Variants in STXBP4 observed in about 807,000 individuals in gnomAD.
STXBP4 encodes the protein syntaxin binding protein 4.
STXBP4 carries 55 observed loss-of-function variants against 76.1 expected under a neutral mutation model. The observed-to-expected ratio is 0.72, with a 90% confidence interval of 0.58 to 0.91. The LOEUF is 0.91. Ranked by LOEUF, STXBP4 falls within the 40% of genes least tolerant of loss-of-function variation. The pLI is 0.00. For missense variants in STXBP4, 618 were observed against 636.9 expected (o/e 0.97, Z 0.32); for synonymous variants, 201 against 220.2 (o/e 0.91, Z 0.77).
In STXBP4 at chr17:54,988,240, A is replaced by G. The variant is rs1338390582; in HGVS notation, c.47+1974A>G. 3.3e-5 allele frequency among the ~76,000 whole-genome samples: 5 copies of G among 152,222 alleles called. No homozygotes were observed. In the East Asian group the frequency reaches 9.6e-4, roughly 29 times the overall value. On this transcript the variant is annotated intron_variant, in intron 3 of 17. Coordinates refer to ENST00000376352, the MANE Select transcript of STXBP4 (RefSeq NM_178509.6). ...ATGGATAGATTTATAGAGAAAACGT[A>G]TTAGCAGCAATAAACTGCTGTGTTA...
chr17:55,119,536 A>G (rs1303662600), intron 16 of STXBP4, among the ~76,000 whole-genome samples: 2 of 152,126 alleles, frequency 1.3e-5, no homozygotes, highest in African/African-American at 4.8e-5. Flanking sequence ...ATTTCTGAAC[A>G]ATACAAGAAC....
chr17:55,125,479 CAAA>C (rs10632680), intron 16 of STXBP4, among the ~76,000 whole-genome samples: 34 of 91,762 alleles, frequency 3.7e-4, no homozygotes, highest in South Asian at 2.3e-3. Flanking sequence ...GGACAAAATA[CAAA>C]AAAAAAAAAA....
intron 12 of STXBP4, among the ~76,000 whole-genome samples, chr17:55,065,312 C>T (rs2079038049): frequency 6.6e-6 from 1 of 152,092 alleles, no homozygotes; most frequent in Non-Finnish European, 1.5e-5. Context: ...TTATTTAGCT[C>T]TTGTTATGTC....
the STXBP4 span, among the ~76,000 whole-genome samples, chr17:55,180,649 T>TCA: frequency 6.6e-6 from 1 of 152,326 alleles, no homozygotes; most frequent in Admixed American, 6.5e-5. Context: ...GAATCAGAAT[T>TCA]GAAAGGCTGG....
rs1418769366 is a variant in STXBP4 at position 55,164,434 on chromosome 17, A to G, written c.*4523A>G. The G allele has an allele frequency of 1.3e-5, 1 of 76,606 alleles. No individual in the cohort carries two copies. The highest frequency in any genetic ancestry group is 2.7e-5 in the Non-Finnish European group (1 of 36,784). 4.7% of individuals were successfully genotyped at this position (76,606 alleles called of 1,614,324 possible). A position where few individuals can be genotyped will look rare whatever the true frequency, so the allele number is the denominator to read the frequency against. On this transcript the variant is annotated 3_prime_UTR_variant, in exon 18 of 18. Transcript: ENST00000376352. ...TTCTCTATATCACTCTACCCTGTTT[A>G]TTTCTTTTTTTTTTTTTTTTTTTTT...
chr17:54,985,339 C>T (rs1158718645), intron 1 of STXBP4, among the ~76,000 whole-genome samples: 2 of 152,136 alleles, frequency 1.3e-5, no homozygotes, highest in African/African-American at 4.8e-5. Context: ...AAAACAACAA[C>T]AACAACAACA....
chr17:55,088,875 A>T (rs998606672), intron 16 of STXBP4, among the ~76,000 whole-genome samples: 2 of 152,198 alleles, frequency 1.3e-5, no homozygotes, highest in African/African-American at 4.8e-5. Context: ...CATTGCATAC[A>T]TGGCCATCCC....
At chr17:55,181,028 T>G in the STXBP4 span, among the ~76,000 whole-genome samples, 1 of 152,238 alleles carries the variant, frequency 6.6e-6, no homozygotes, top group African/African-American at 2.4e-5. Context: ...TTTGGGGGAA[T>G]GGAGGTGGAG....
At chr17:55,148,182 T>C (rs1228747588) in intron 17 of STXBP4, among the ~76,000 whole-genome samples, 1 of 152,214 alleles carries the variant, frequency 6.6e-6, no homozygotes, top group African/African-American at 2.4e-5. Flanking sequence ...AAAATGATTG[T>C]CTATACTTGG....
At position 55,072,970 on chromosome 17, in the gene STXBP4, G is replaced by A; in HGVS notation, c.1082G>A (p.Arg361Lys). 6.2e-7 allele frequency: 1 copy of A among 1,613,986 alleles called. No individual in the cohort carries two copies. Among genetic ancestry groups the A allele is most frequent in the African/African-American group, 1.3e-5 (1 of 75,034 alleles). ...ATTCATCTTGCTGAAGCTGCTCAGA[G>A]ACAGGCACATGGAATGGAAATGGAC... ...SRIHLAEAAQ[R>K]QAHGMEMDYE... is the part of the protein sequence containing the mutation. Residue 361 changes from arginine (R) to lysine (K), a missense_variant, in exon 13 of 18, where the codon AGA becomes AAA. Transcript: ENST00000376352.
chr17:55,015,598 T>G (rs2078193011), intron 8 of STXBP4, among the ~76,000 whole-genome samples: 1 of 151,704 alleles, frequency 6.6e-6, no homozygotes, highest in Admixed American at 6.6e-5. Flanking sequence ...AAAAGGTACA[T>G]GCACTCTGGC....
chr17:55,017,638 C>T (rs1001553510), intron 8 of STXBP4, among the ~76,000 whole-genome samples: 3 of 152,050 alleles, frequency 2.0e-5, no homozygotes, highest in African/African-American at 7.2e-5. Flanking sequence ...CACGCATGGG[C>T]GACTGTTGAA....
At chr17:55,069,475 G>C (rs1048924659) in intron 12 of STXBP4, among the ~76,000 whole-genome samples, 2 of 152,132 alleles carry the variant, frequency 1.3e-5, no homozygotes, top group African/African-American at 2.4e-5. Flanking sequence ...GACAGCCTGG[G>C]AGGAAAAGAG....
At chr17:55,008,643 G>A (rs1358985980) in intron 8 of STXBP4, among the ~76,000 whole-genome samples, 1 of 152,158 alleles carries the variant, frequency 6.6e-6, no homozygotes, top group East Asian at 1.9e-4. Flanking sequence ...ACAAAAGGGT[G>A]TAATCTGATG....
chr17:55,095,686 G>T (rs867206496), intron 16 of STXBP4, among the ~76,000 whole-genome samples: 23 of 152,262 alleles, frequency 1.5e-4, no homozygotes, highest in Middle Eastern at 3.4e-3. Context: ...CAGTTTTGCA[G>T]TTCTAAAGTT....
intron 1 of STXBP4, among the ~76,000 whole-genome samples, chr17:54,983,403 C>G (rs976953239): frequency 2.0e-5 from 3 of 152,182 alleles, no homozygotes; most frequent in Non-Finnish European, 4.4e-5. Context: ...ACCTGGGGAC[C>G]TGTGTCCAGT....
At chr17:55,142,274 A>G (rs2080102421) in intron 17 of STXBP4, among the ~76,000 whole-genome samples, 1 of 152,198 alleles carries the variant, frequency 6.6e-6, no homozygotes. Context: ...TGACATTTCG[A>G]GAGCACAAAG....
chr17:55,097,965 ATAT>A (rs1288010752), intron 16 of STXBP4, among the ~76,000 whole-genome samples: 9 of 152,194 alleles, frequency 5.9e-5, no homozygotes, highest in Non-Finnish European at 1.3e-4. Flanking sequence ...CTCATTGAAA[ATAT>A]TATGGCTCAC....
At chr17:55,068,441 T>C (rs545522534) in intron 12 of STXBP4, among the ~76,000 whole-genome samples, 7 of 152,296 alleles carry the variant, frequency 4.6e-5, no homozygotes, top group Admixed American at 1.3e-4. Context: ...TTAATGCTTT[T>C]TCCTTCTACT....
Sources: allele counts gnomAD v4.1 joint callset (sites outside exome capture counted in the v4.1 genomes callset), GRCh38; gene constraint gnomAD v4.1.1; transcripts MANE v1.5; gene names NCBI Gene and HGNC (gene_info 2026-07-23, HGNC 2026-07-21).